Variants in DLGAP1 observed in about 807,000 individuals in gnomAD.
DLGAP1 encodes DLG associated protein 1, also known as disks large-associated protein 1.
Under a neutral mutation model 90.8 loss-of-function variants are expected in DLGAP1, and 11 were observed. The observed-to-expected ratio is 0.12, with a 90% CI of 0.08 to 0.20. DLGAP1 has a LOEUF of 0.20. DLGAP1 is among the 10% of genes least tolerant of loss of function. The pLI is 1.00. For missense variants in DLGAP1, 1,050 were observed against 1,333.8 expected, an observed-to-expected ratio of 0.79 and a Z score of 3.31; for synonymous variants, 558 against 540.7, an observed-to-expected ratio of 1.03 and a Z score of -0.44.
At chr18:3,602,519 C>T (rs965963824) in intron 7 of DLGAP1, among the ~76,000 whole-genome samples, 2 of 140,636 alleles carry the variant, frequency 1.4e-5, no homozygotes, top group South Asian at 2.3e-4. Flanking sequence ...GGCGTGAACC[C>T]GGGAGGCGGA....
At chr18:4,114,059 T>C (rs2076019989) in intron 2 of DLGAP1, among the ~76,000 whole-genome samples, 1 of 43,130 alleles carries the variant, frequency 2.3e-5, no homozygotes, top group Non-Finnish European at 4.5e-5. Flanking sequence ...CCTCTGGCTT[T>C]TTTTTTTTTT....
At chr18:3,694,464 CTTCCACAATGGTTGAACTAA>C (rs1377385361) in intron 7 of DLGAP1, among the ~76,000 whole-genome samples, 1 of 152,214 alleles carries the variant, frequency 6.6e-6, no homozygotes, top group Non-Finnish European at 1.5e-5. Context: ...TCTACACTGT[CTTCCACAATGGTTGAACTAA>C]TTTACAATCC....
chr18:4,367,482 T>A (rs928441634), intron 1 of DLGAP1, among the ~76,000 whole-genome samples: 2 of 152,160 alleles, frequency 1.3e-5, no homozygotes, highest in East Asian at 1.9e-4. Flanking sequence ...TCTTTCAGTA[T>A]AAAGAATCAA....
chr18:3,845,679 C>T, intron 4 of DLGAP1: 1 of 869,812 alleles, frequency 1.1e-6, no homozygotes, highest in Admixed American at 6.2e-5. Flanking sequence ...TATATTCTGT[C>T]AAATGGAAGT....
At chr18:4,401,118 C>T (rs1465745318) in intron 1 of DLGAP1, among the ~76,000 whole-genome samples, 3 of 152,192 alleles carry the variant, frequency 2.0e-5, no homozygotes, top group African/African-American at 7.2e-5. Flanking sequence ...TTACTAATGT[C>T]AGCAGAGGCA....
intron 1 of DLGAP1, among the ~76,000 whole-genome samples, chr18:4,197,887 T>C (rs994829688): frequency 1.3e-5 from 2 of 152,094 alleles, no homozygotes; most frequent in African/African-American, 4.8e-5. Flanking sequence ...CACAATACCA[T>C]ACATGGGAAG....
At chr18:4,213,550 T>C (rs926400888) in intron 1 of DLGAP1, among the ~76,000 whole-genome samples, 1 of 152,156 alleles carries the variant, frequency 6.6e-6, no homozygotes, top group African/African-American at 2.4e-5. Context: ...AATAGCAGGT[T>C]TAACCTTGGG....
intron 1 of DLGAP1, among the ~76,000 whole-genome samples, chr18:4,195,351 C>A (rs2077477207): frequency 6.6e-6 from 1 of 152,120 alleles, no homozygotes; most frequent in Non-Finnish European, 1.5e-5. Flanking sequence ...TCTTTCACAA[C>A]TACTAAGCCT....
intron 1 of DLGAP1, among the ~76,000 whole-genome samples, chr18:4,355,098 CAT>C (rs2081480466): frequency 6.6e-6 from 1 of 152,048 alleles, no homozygotes; most frequent in African/African-American, 2.4e-5. Context: ...ATACTCTTGA[CAT>C]ATAACTCAGC....
chr18:4,015,142 G>C (rs1473511444), intron 2 of DLGAP1, among the ~76,000 whole-genome samples: 2 of 152,142 alleles, frequency 1.3e-5, no homozygotes, highest in East Asian at 1.9e-4. Context: ...TGAAAGCTCT[G>C]AAGTCCCACG....
intron 1 of DLGAP1, among the ~76,000 whole-genome samples, chr18:4,314,731 C>G (rs1270430280): frequency 6.6e-6 from 1 of 152,106 alleles, no homozygotes; most frequent in Non-Finnish European, 1.5e-5. Context: ...AAAACAAGAC[C>G]TTCAGAGGGA....
At chr18:4,291,024 G>C (rs989911590) in intron 1 of DLGAP1, among the ~76,000 whole-genome samples, 1 of 152,146 alleles carries the variant, frequency 6.6e-6, no homozygotes, top group African/African-American at 2.4e-5. Flanking sequence ...ATAGTAAGGG[G>C]AGGAATAGGA....
intron 1 of DLGAP1, among the ~76,000 whole-genome samples, chr18:4,165,779 C>T (rs2076922871): frequency 6.6e-6 from 1 of 152,082 alleles, no homozygotes; most frequent in Admixed American, 6.6e-5. Flanking sequence ...ACTACAAAAA[C>T]CATACAAGGA....
At chr18:4,143,901 T>C (rs1715044278) in intron 2 of DLGAP1, among the ~76,000 whole-genome samples, 1 of 152,208 alleles carries the variant, frequency 6.6e-6, no homozygotes, top group Non-Finnish European at 1.5e-5. Flanking sequence ...AAGTTTTCTC[T>C]AGACATGTCA....
intron 7 of DLGAP1, among the ~76,000 whole-genome samples, chr18:3,611,147 T>G (rs1415997152): frequency 1.3e-5 from 2 of 151,606 alleles, no homozygotes; most frequent in African/African-American, 2.4e-5. Flanking sequence ...AAAAAAAGTG[T>G]ATACTTTTTT....
At chr18:4,284,491 A>G (rs2145456894) in intron 1 of DLGAP1, among the ~76,000 whole-genome samples, 1 of 152,294 alleles carries the variant, frequency 6.6e-6, no homozygotes, top group South Asian at 2.1e-4. Flanking sequence ...CTGTGAGGAG[A>G]CAGTTGTGGT....
intron 1 of DLGAP1, among the ~76,000 whole-genome samples, chr18:4,276,812 T>C (rs2079427867): frequency 6.6e-6 from 1 of 152,156 alleles, no homozygotes; most frequent in African/African-American, 2.4e-5. Flanking sequence ...GATTCTTAAG[T>C]GAAGTTTAAA....
At chr18:4,387,543 T>C (rs2082255323) in intron 1 of DLGAP1, among the ~76,000 whole-genome samples, 3 of 152,372 alleles carry the variant, frequency 2.0e-5, no homozygotes, top group Admixed American at 1.3e-4. Flanking sequence ...AAGAACAAAC[T>C]GTCTTCTGCA....
intron 7 of DLGAP1, among the ~76,000 whole-genome samples, chr18:3,611,815 G>A (rs1304351835): frequency 6.6e-6 from 1 of 152,216 alleles, no homozygotes; most frequent in African/African-American, 2.4e-5. Context: ...TCCATAGTCA[G>A]CACTAATTAT....
Sources: allele counts gnomAD v4.1 joint callset (sites outside exome capture counted in the v4.1 genomes callset), GRCh38; gene constraint gnomAD v4.1.1; transcripts MANE v1.5; gene names NCBI Gene and HGNC (gene_info 2026-07-23, HGNC 2026-07-21).